Variants in SNRK observed in about 807,000 individuals in gnomAD.
SNRK encodes SNF related kinase.
In SNRK, 3 loss-of-function variants were observed where a neutral mutation model predicts 48.2. The observed-to-expected ratio is 0.06, with a 90% CI of 0.03 to 0.16. The LOEUF is 0.16. Ranked by LOEUF, SNRK falls within the 10% of genes least tolerant of loss-of-function variation. The pLI, the probability that SNRK is intolerant of heterozygous loss-of-function variation, is 1.00. For synonymous variants in SNRK, 376 were observed against 366.1 expected (o/e 1.03, Z -0.31); for missense variants, 627 against 976.0 (o/e 0.64, Z 4.76).
intron 4 of SNRK, among the ~76,000 whole-genome samples, chr3:43,337,224 C>T (rs1347400849): frequency 6.6e-6 from 1 of 151,954 alleles, no homozygotes; most frequent in African/African-American, 2.4e-5. Flanking sequence ...CAGGCACACG[C>T]CACCACATCT....
chr3:43,297,643 A>G lies in SNRK; in HGVS notation c.-168-2111A>G, dbSNP rs373155852. Among the ~76,000 whole-genome samples the G allele has an allele frequency of 3.0e-4, 46 of 152,140 alleles. No individual in the cohort carries two copies. The South Asian group carries it at 8.7e-3, about 29-fold the overall frequency. ...TCTAATTGTAGTTTTCTCCTGAATTAAACAGATTTTTCTTTCATAATTGTT... is the reference window on the plus strand; with the variant it reads ...TCTAATTGTAGTTTTCTCCTGAATTGAACAGATTTTTCTTTCATAATTGTT... On this transcript the variant is annotated intron_variant, in intron 1 of 6. Transcript: ENST00000296088.
At chr3:43,328,303 C>T (rs1346705007) in intron 3 of SNRK, among the ~76,000 whole-genome samples, 1 of 150,570 alleles carries the variant, frequency 6.6e-6, no homozygotes, top group East Asian at 1.9e-4. Context: ...TTTGTTAACA[C>T]GGTTTTTTTT....
At chr3:43,318,386 T>TATAAACA (rs1192968796) in intron 3 of SNRK, among the ~76,000 whole-genome samples, 13 of 152,334 alleles carry the variant, frequency 8.5e-5, no homozygotes, top group Non-Finnish European at 1.8e-4. Context: ...GGTGTTTATT[T>TATAAACA]GATAGCAGGT....
intron 4 of SNRK, among the ~76,000 whole-genome samples, chr3:43,336,901 C>T (rs1259531389): frequency 3.3e-5 from 5 of 151,862 alleles, no homozygotes; most frequent in Non-Finnish European, 5.9e-5. Context: ...TACAGGCGCC[C>T]GCCATCACGC....
chr3:43,327,957 G>GT (rs5848658), intron 3 of SNRK, among the ~76,000 whole-genome samples: 132,440 of 147,100 alleles, frequency 0.9, 60,852 homozygotes, highest in Non-Finnish European at 0.99. Flanking sequence ...CATGAGTTGG[G>GT]TTTTTTTTTT....
chr3:43,340,140 T>G (rs2091224330), intron 4 of SNRK, 147 bp from the exon 5 acceptor site: 1 of 674,992 alleles, frequency 1.5e-6, no homozygotes, highest in South Asian at 1.8e-5. Flanking sequence ...GCACTAAATT[T>G]TTATTATTCC....
intron 4 of SNRK, among the ~76,000 whole-genome samples, chr3:43,333,787 T>G (rs1279512112): frequency 6.6e-6 from 1 of 152,152 alleles, no homozygotes; most frequent in Admixed American, 6.6e-5. Flanking sequence ...TTATCTAGCT[T>G]AAGAAATAGA....
intron 4 of SNRK, among the ~76,000 whole-genome samples, chr3:43,336,043 T>G (rs971994881): frequency 6.6e-6 from 1 of 152,210 alleles, no homozygotes; most frequent in Non-Finnish European, 1.5e-5. Context: ...TCCATTTACA[T>G]TTATTGTAGT....
intron 3 of SNRK, 55 bp from the exon 4 acceptor site, chr3:43,332,114 A>C: frequency 7.8e-7 from 1 of 1,285,702 alleles, no homozygotes. Context: ...CGCACTTTTA[A>C]TGTTTTTGGT....
intron 6 of SNRK, among the ~76,000 whole-genome samples, chr3:43,345,825 TTC>T (rs147950453): frequency 8.2e-4 from 125 of 152,316 alleles, no homozygotes; most frequent in African/African-American, 2.9e-3. Context: ...CTAGAACAGA[TTC>T]TGTTTCAGAT....
At chr3:43,288,817 G>C (rs2090787216) in intron 1 of SNRK, among the ~76,000 whole-genome samples, 1 of 152,190 alleles carries the variant, frequency 6.6e-6, no homozygotes, top group African/African-American at 2.4e-5. Context: ...TTTGCTTAAA[G>C]ATAGAGTGTT....
intron 3 of SNRK, among the ~76,000 whole-genome samples, chr3:43,330,253 C>T (rs1053113409): frequency 6.6e-6 from 1 of 151,890 alleles, no homozygotes; most frequent in Admixed American, 6.6e-5. Flanking sequence ...AAAATCACCC[C>T]TTTTTTTTGC....
chr3:43,316,788 C>T (rs1015804694), intron 3 of SNRK, among the ~76,000 whole-genome samples: 1 of 151,652 alleles, frequency 6.6e-6, no homozygotes, highest in Non-Finnish European at 1.5e-5. Flanking sequence ...CTTGGAAACT[C>T]CTCTGCATTG....
intron 4 of SNRK, among the ~76,000 whole-genome samples, chr3:43,339,867 A>T (rs1261337586): frequency 1.1e-5 from 1 of 87,358 alleles, no homozygotes; most frequent in Non-Finnish European, 2.4e-5. Flanking sequence ...ATATATATAT[A>T]TATATATGTT....
chr3:43,346,604 G>A (rs890985864), intron 6 of SNRK, among the ~76,000 whole-genome samples: 1 of 152,190 alleles, frequency 6.6e-6, no homozygotes, highest in Non-Finnish European at 1.5e-5. Flanking sequence ...AGGCTGGCAC[G>A]GTGGTGTGCG....
chr3:43,327,099 A>G (rs1261831609), intron 3 of SNRK, among the ~76,000 whole-genome samples: 1 of 152,206 alleles, frequency 6.6e-6, no homozygotes, highest in African/African-American at 2.4e-5. Flanking sequence ...CCTTAAAACT[A>G]ACCACTGATC....
chr3:43,307,789 T>G (rs2090950090), intron 3 of SNRK, among the ~76,000 whole-genome samples: 1 of 152,216 alleles, frequency 6.6e-6, no homozygotes, highest in Non-Finnish European at 1.5e-5. Flanking sequence ...CTCTAAGTGT[T>G]CAAGTGAAAG....
At chr3:43,296,415 C>T (rs1575531027) in intron 1 of SNRK, among the ~76,000 whole-genome samples, 2 of 127,238 alleles carry the variant, frequency 1.6e-5, no homozygotes, top group African/African-American at 3.4e-5. Flanking sequence ...GATATACTGG[C>T]ATATATATAT....
At chr3:43,340,833 C>G (rs2091230217) in intron 5 of SNRK, among the ~76,000 whole-genome samples, 1 of 152,190 alleles carries the variant, frequency 6.6e-6, no homozygotes. Context: ...CCTCTGTCTC[C>G]TGCCGGTCCC....
Sources: allele counts gnomAD v4.1 joint callset (sites outside exome capture counted in the v4.1 genomes callset), GRCh38; gene constraint gnomAD v4.1.1; transcripts MANE v1.5; gene names NCBI Gene and HGNC (gene_info 2026-07-23, HGNC 2026-07-21).